The following APIP variants were observed in gnomAD, a reference collection of about 807,000 sequenced individuals.
APIP encodes APAF1 interacting protein.
In APIP, 32 loss-of-function variants were observed where a neutral mutation model predicts 32.0. The ratio of observed to expected loss-of-function variants is 1.00; its 90% CI spans 0.76 to 1.34. The LOEUF is 1.34. Among genes scored for constraint, APIP ranks in the 40% most tolerant of loss-of-function variants. The pLI, the probability that APIP is intolerant of heterozygous loss-of-function variation, is 0.00. For missense variants in APIP, 247 were observed against 298.6 expected (o/e 0.83, Z 1.27); for synonymous variants, 92 against 94.8 (o/e 0.97, Z 0.17).
chr11:34,905,570 A>G (rs1420534186), intron 1 of APIP, among the ~76,000 whole-genome samples: 3 of 152,234 alleles, frequency 2.0e-5, no homozygotes, highest in Non-Finnish European at 2.9e-5. Flanking sequence ...CTTTAAAAGC[A>G]GCGAGGAAGG....
intron 1 of APIP, among the ~76,000 whole-genome samples, chr11:34,902,639 G>A (rs1031505197): frequency 2.0e-5 from 3 of 152,136 alleles, no homozygotes; most frequent in African/African-American, 4.8e-5. Flanking sequence ...GAAATAGCCC[G>A]TCCATTATAT....
chr11:34,915,156 A>G (rs186163030), intron 1 of APIP, among the ~76,000 whole-genome samples: 120 of 151,684 alleles, frequency 7.9e-4, no homozygotes, highest in African/African-American at 2.8e-3. Flanking sequence ...GCTCTCTTTG[A>G]TGCTCATTCT....
chr11:34,908,647 C>T (rs1323902783), intron 1 of APIP, among the ~76,000 whole-genome samples: 3 of 152,242 alleles, frequency 2.0e-5, no homozygotes, highest in Admixed American at 2.0e-4. Context: ...ACTTTCTGGG[C>T]ATCAGTCTCC....
intron 1 of APIP, among the ~76,000 whole-genome samples, chr11:34,909,220 C>A (rs917319467): frequency 6.6e-6 from 1 of 152,022 alleles, no homozygotes; most frequent in Admixed American, 6.5e-5. Context: ...TGGATGATAT[C>A]GTTCCCTGGG....
intron 5 of APIP, 150 bp downstream of exon 5, chr11:34,888,143 A>G (rs1250855207): frequency 1.4e-5 from 10 of 733,226 alleles, no homozygotes; most frequent in Non-Finnish European, 2.0e-5. Flanking sequence ...GTGTCATGAG[A>G]ATAGGTCTAG....
intron 1 of APIP, among the ~76,000 whole-genome samples, chr11:34,911,466 A>G (rs1480168181): frequency 8.2e-6 from 1 of 121,628 alleles, no homozygotes; most frequent in Non-Finnish European, 1.9e-5. Context: ...CATTAACATC[A>G]TATCTCTTAC....
chr11:34,898,691 G>A (rs1315125991), intron 1 of APIP, among the ~76,000 whole-genome samples: 1 of 151,312 alleles, frequency 6.6e-6, no homozygotes, highest in Non-Finnish European at 1.5e-5. Context: ...CACCCAGAGT[G>A]AGCGTCTCTC....
At chr11:34,883,237 A>G (rs930068374) in intron 6 of APIP, 100 bp downstream of exon 6, 7 of 1,252,744 alleles carry the variant, frequency 5.6e-6, no homozygotes, top group Non-Finnish European at 7.7e-6. Context: ...ATCTACAAAT[A>G]ATGATAAACA....
intron 1 of APIP, among the ~76,000 whole-genome samples, chr11:34,899,819 G>T (rs1853345586): frequency 6.6e-6 from 1 of 152,250 alleles, no homozygotes; most frequent in Non-Finnish European, 1.5e-5. Flanking sequence ...AGGGAAAATA[G>T]TTGGGGGACG....
chr11:34,916,351 G>A lies in APIP; in HGVS notation c.-67C>T. 1 of 1,590,792 alleles carries A rather than the reference G, an allele frequency of 6.3e-7. No homozygotes were observed. The highest frequency in any genetic ancestry group is 8.6e-7 in the Non-Finnish European group (1 of 1,168,776). On this transcript the variant is annotated 5_prime_UTR_variant, in exon 1 of 7. Coordinates refer to ENST00000395787, the MANE Select transcript of APIP (RefSeq NM_015957.4). ...GCTTTGCGCGCGGCGCTTAGCCTGG[G>A]ATACGGCAGCGAGGCCGCAAATGCA... is the stretch of plus-strand genomic sequence containing the variant.
intron 1 of APIP, among the ~76,000 whole-genome samples, chr11:34,897,640 A>C (rs2956125): frequency 0.78 from 119,062 of 151,682 alleles, 46,890 homozygotes; most frequent in East Asian, 0.83. Context: ...AAGGGCCAGG[A>C]TAGCAAGCTT....
At chr11:34,909,750 A>G (rs746356806) in intron 1 of APIP, among the ~76,000 whole-genome samples, 3 of 152,222 alleles carry the variant, frequency 2.0e-5, no homozygotes, top group African/African-American at 4.8e-5. Flanking sequence ...CTTACCAGAA[A>G]GGAAATGATT....
chr11:34,910,490 GAAAGA>G (rs1415202539), intron 1 of APIP, among the ~76,000 whole-genome samples: 3 of 152,122 alleles, frequency 2.0e-5, no homozygotes, highest in African/African-American at 7.2e-5. Context: ...AGGAGACAGG[GAAAGA>G]TTAAACATAC....
chr11:34,887,847 A>G (rs1436056945), intron 5 of APIP, among the ~76,000 whole-genome samples: 1 of 152,210 alleles, frequency 6.6e-6, no homozygotes, highest in Non-Finnish European at 1.5e-5. Flanking sequence ...TTCTAAAAAT[A>G]TAGAGATCTA....
chr11:34,895,264 T>C (rs1853249608), intron 1 of APIP, among the ~76,000 whole-genome samples, 154 bp from the exon 2 acceptor site: 1 of 152,238 alleles, frequency 6.6e-6, no homozygotes, highest in Non-Finnish European at 1.5e-5. Flanking sequence ...AAACATATTT[T>C]GTTTTTAATG....
intron 1 of APIP, among the ~76,000 whole-genome samples, chr11:34,896,000 G>C (rs1173820537): frequency 6.6e-6 from 1 of 152,186 alleles, no homozygotes; most frequent in African/African-American, 2.4e-5. Flanking sequence ...AAAATAAGTT[G>C]TTGAGCTGGC....
chr11:34,914,031 C>A (rs1590717932), intron 1 of APIP, among the ~76,000 whole-genome samples: 1 of 152,288 alleles, frequency 6.6e-6, no homozygotes, highest in South Asian at 2.1e-4. Flanking sequence ...GTACATGCTA[C>A]TTCCCCTACT....
intron 1 of APIP, among the ~76,000 whole-genome samples, chr11:34,906,419 C>A (rs557869691): frequency 6.6e-6 from 1 of 152,214 alleles, no homozygotes; most frequent in Non-Finnish European, 1.5e-5. Context: ...AGGGCATGCA[C>A]ATGACAATCC....
intron 1 of APIP, among the ~76,000 whole-genome samples, chr11:34,913,726 C>T (rs903801617): frequency 2.0e-5 from 3 of 152,118 alleles, no homozygotes; most frequent in African/African-American, 7.2e-5. Flanking sequence ...AGCTTTTATT[C>T]CCTTATTTGG....
Sources: allele counts gnomAD v4.1 joint callset (sites outside exome capture counted in the v4.1 genomes callset), GRCh38; gene constraint gnomAD v4.1.1; transcripts MANE v1.5; gene names NCBI Gene and HGNC (gene_info 2026-07-23, HGNC 2026-07-21).